The following FOXP1 variants were observed in gnomAD, a reference collection of about 807,000 sequenced individuals.
FOXP1 encodes forkhead box P1.
In FOXP1, 15 loss-of-function variants were observed where a neutral mutation model predicts 98.2. That is an observed-to-expected ratio of 0.15 (90% CI 0.10 to 0.24). The LOEUF (loss-of-function observed/expected upper bound fraction) is 0.24. Ranked by LOEUF, FOXP1 falls within the 10% of genes least tolerant of loss-of-function variation. FOXP1 has a pLI of 1.00. For missense variants in FOXP1, 633 were observed against 848.5 expected (o/e 0.75, Z 3.15); for synonymous variants, 371 against 314.5 (o/e 1.18, Z -1.90).
intron 7 of FOXP1, among the ~76,000 whole-genome samples, chr3:71,077,272 G>A (rs1357109146): frequency 6.6e-6 from 1 of 152,186 alleles, no homozygotes; most frequent in Non-Finnish European, 1.5e-5. Flanking sequence ...GCAGCAAGGT[G>A]TCAATCCCTG....
At chr3:71,447,889 T>C (rs1330959292) in intron 3 of FOXP1, among the ~76,000 whole-genome samples, 1 of 152,198 alleles carries the variant, frequency 6.6e-6, no homozygotes, top group Non-Finnish European at 1.5e-5. Context: ...CTTACAACTA[T>C]GCAAGTATAG....
chr3:71,466,105 G>A (rs768630269), intron 3 of FOXP1, among the ~76,000 whole-genome samples: 1 of 152,118 alleles, frequency 6.6e-6, no homozygotes, highest in Non-Finnish European at 1.5e-5. Flanking sequence ...TTATAAAGCT[G>A]GCAACCAGGC....
At chr3:71,580,410 A>AC (rs397970843) in intron 2 of FOXP1, among the ~76,000 whole-genome samples, 1 of 151,394 alleles carries the variant, frequency 6.6e-6, no homozygotes, top group Non-Finnish European at 1.5e-5. Context: ...GGGGAAAAAA[A>AC]CAGTCCAAAT....
At position 71,496,961 on chromosome 3, in the gene FOXP1, A is replaced by AGTGTGTGTGTGTGTGTGTGTGTGT. The variant is rs148821144; in HGVS notation, c.-297-3430_-297-3407dup. 2.1e-3 allele frequency among the ~76,000 whole-genome samples: 310 copies of AGTGTGTGTGTGTGTGTGTGTGTGT among 149,446 alleles called. 2 individuals are homozygous for AGTGTGTGTGTGTGTGTGTGTGTGT. The highest frequency in any genetic ancestry group is 7.2e-3 in the African/African-American group (293 of 40,626). ...GTGAATCACCACTGTGGTGTGTGGA[A>AGTGTGTGTGTGTGTGTGTGTGTGT]GTGTGTGTGTGTGTGTGTGTGTGTT... is the stretch of plus-strand genomic sequence containing the variant. On this transcript the variant is annotated intron_variant, in intron 2 of 20. Transcript: ENST00000649528.
chr3:71,469,567 A>G (rs1022129888), intron 3 of FOXP1, among the ~76,000 whole-genome samples: 1 of 152,226 alleles, frequency 6.6e-6, no homozygotes, highest in Non-Finnish European at 1.5e-5. Flanking sequence ...GATGAAGAAA[A>G]TAACATCTAC....
intron 6 of FOXP1, among the ~76,000 whole-genome samples, chr3:71,146,095 A>T (rs2060294809): frequency 6.6e-6 from 1 of 152,228 alleles, no homozygotes; most frequent in Non-Finnish European, 1.5e-5. Flanking sequence ...TTGAGTGCAC[A>T]GAGAGGGAAC....
intron 9 of FOXP1, 68 bp downstream of exon 9, chr3:71,052,469 C>T (rs1178132879): frequency 2.3e-6 from 2 of 852,076 alleles, no homozygotes; most frequent in African/African-American, 1.6e-5. Flanking sequence ...AGATGAATGA[C>T]AGTTTAATAG....
chr3:71,198,028 C>T (rs765417224), intron 6 of FOXP1, 174 bp downstream of exon 6: 10 of 1,614,256 alleles, frequency 6.2e-6, no homozygotes, highest in African/African-American at 1.3e-5. Flanking sequence ...CTTAAGCCAA[C>T]TGCTGGGACT....
chr3:71,040,058 T>G (rs912492780), intron 11 of FOXP1, among the ~76,000 whole-genome samples: 1 of 152,020 alleles, frequency 6.6e-6, no homozygotes, highest in Non-Finnish European at 1.5e-5. Flanking sequence ...TGGTAACCAC[T>G]CATGGTTTTA....
rs999510793 is a variant in FOXP1, at chr3:70,956,072, T to C, written c.*3175A>G. 1 of 219,572 alleles carries C rather than the reference T, an allele frequency of 4.6e-6. No individual in the cohort carries two copies. Among genetic ancestry groups the C allele is most frequent in the African/African-American group, 2.5e-5 (1 of 39,662 alleles). 13.6% of individuals were successfully genotyped at this position (219,572 alleles called of 1,614,324 possible). A position where few individuals can be genotyped will look rare whatever the true frequency, so the allele number is the denominator to read the frequency against. On this transcript the variant is annotated 3_prime_UTR_variant, in exon 21 of 21. Coordinates refer to ENST00000649528, the MANE Select transcript of FOXP1 (RefSeq NM_001349338.3). Reference sequence around the variant, plus strand: ...TACAGTAGTTTTTTTTCCAAAGCTATTTTTTTTTAGTATCGTTAATATAAA... The same window carrying C: ...TACAGTAGTTTTTTTTCCAAAGCTACTTTTTTTTAGTATCGTTAATATAAA...
intron 6 of FOXP1, among the ~76,000 whole-genome samples, chr3:71,170,445 C>G (rs2061595807): frequency 6.6e-6 from 1 of 152,100 alleles, no homozygotes; most frequent in Admixed American, 6.6e-5. Flanking sequence ...CTGTGCTGGC[C>G]TCTTTTACAG....
intron 2 of FOXP1, among the ~76,000 whole-genome samples, chr3:71,502,135 A>C (rs555324801): frequency 6.6e-6 from 1 of 152,172 alleles, no homozygotes; most frequent in African/African-American, 2.4e-5. Context: ...CATTTTCACA[A>C]ATACCTTCCA....
chr3:70,972,263 G>A lies in FOXP1; in HGVS notation c.1652+292C>T, dbSNP rs937633624. 8.9e-6 allele frequency: 11 copies of A among 1,237,206 alleles called. No homozygotes were observed. In the African/African-American group the frequency reaches 1.5e-4, roughly 17 times the overall value. 76.6% of individuals were successfully genotyped at this position (1,237,206 alleles called of 1,614,324 possible). A position where few individuals can be genotyped will look rare whatever the true frequency, so the allele number is the denominator to read the frequency against. ...GGGCAGAACAGACATCCAATACAGG[G>A]AACAGGAAAAAGAAAATAAAATGCA... is the stretch of plus-strand genomic sequence containing the variant. On this transcript the variant is annotated intron_variant, in intron 18 of 20. Coordinates refer to ENST00000649528, the MANE Select transcript of FOXP1 (RefSeq NM_001349338.3).
Position 71,383,946 on chromosome 3 carries a change from G to A in FOXP1, c.-167-24702C>T, listed in dbSNP as rs1249715509. On this transcript the variant is annotated intron_variant, in intron 3 of 20. Transcript: ENST00000649528. ...GCAAACATACAAGGCTGGCGGGCGC[G>A]GTGGCTCACGCCTGTAATCCCAGCA... Among the ~76,000 whole-genome samples, 6 of 152,250 alleles carry A rather than the reference G, an allele frequency of 3.9e-5. No homozygotes were observed. The East Asian group carries it at 7.7e-4, about 20-fold the overall frequency.
At chr3:71,314,570 T>C (rs1266894175) in intron 4 of FOXP1, among the ~76,000 whole-genome samples, 1 of 151,008 alleles carries the variant, frequency 6.6e-6, no homozygotes, top group Non-Finnish European at 1.5e-5. Flanking sequence ...TCTGCCATGC[T>C]ACAGGCTGGA....
At chr3:71,036,479 T>C (rs1407188692) in intron 11 of FOXP1, among the ~76,000 whole-genome samples, 1 of 152,134 alleles carries the variant, frequency 6.6e-6, no homozygotes, top group East Asian at 1.9e-4. Flanking sequence ...CGAGAAATAC[T>C]CGAGTTATAA....
intron 3 of FOXP1, among the ~76,000 whole-genome samples, chr3:71,474,926 A>C (rs188234297): frequency 6.6e-6 from 1 of 152,216 alleles, no homozygotes; most frequent in Admixed American, 6.5e-5. Context: ...CCTGGTGCCA[A>C]CAAGGCTGGA....
At chr3:71,015,164 CCAACAACAACAA>C (rs529565593) in intron 12 of FOXP1, among the ~76,000 whole-genome samples, 2 of 150,426 alleles carry the variant, frequency 1.3e-5, no homozygotes, top group Admixed American at 6.6e-5. Flanking sequence ...GATGACACCT[CCAACAACAACAA>C]CAACAACAAC....
chr3:71,395,409 C>T (rs186272559), intron 3 of FOXP1, among the ~76,000 whole-genome samples: 2 of 150,570 alleles, frequency 1.3e-5, no homozygotes, highest in Admixed American at 1.3e-4. Flanking sequence ...ACCCCAGGGT[C>T]TGAACACTGG....
Sources: gnomAD v4.1 joint callset for allele counts (sites outside exome capture counted in the v4.1 genomes callset) on GRCh38, gnomAD v4.1.1 for gene constraint, MANE v1.5 for transcripts, NCBI Gene and HGNC (gene_info 2026-07-23, HGNC 2026-07-21) for gene names.